Variants in GAP43 observed in about 807,000 individuals in gnomAD.
The protein encoded by GAP43 is neuromodulin.
A neutral mutation model predicts 18.6 loss-of-function variants in GAP43; 6 were observed. That is an observed-to-expected ratio of 0.32 (90% CI 0.18 to 0.64). The LOEUF is 0.64. Among genes scored for constraint, GAP43 ranks in the 30% least tolerant of loss-of-function variants. The pLI, the probability that GAP43 is intolerant of heterozygous loss-of-function variation, is 0.78. For missense variants in GAP43, 292 were observed against 295.5 expected (o/e 0.99, Z 0.09); for synonymous variants, 115 against 111.4 (o/e 1.03, Z -0.20).
At chr3:115,632,013 T>G (rs572173177) in intron 1 of GAP43, among the ~76,000 whole-genome samples, 1 of 152,206 alleles carries the variant, frequency 6.6e-6, no homozygotes, top group African/African-American at 2.4e-5. Flanking sequence ...TAAGCCAATA[T>G]TCAAAGTGTT....
chr3:115,676,557 C>T lies in GAP43; in HGVS notation c.575C>T (p.Thr192Ile). ...PAAEDAAAKA[T>I]AQPPTETGES... ...GCAGAGGATGCTGCTGCCAAGGCAACAGCCCAGCCTCCAACGGAGACTGGG... is the reference window on the plus strand; with the variant it reads ...GCAGAGGATGCTGCTGCCAAGGCAATAGCCCAGCCTCCAACGGAGACTGGG... The change falls in exon 2 of 3, where the codon ACA (threonine) becomes ATA (isoleucine). Residue 192 changes from threonine (T) to isoleucine (I), a missense_variant. Thr to Ile is a moderately conservative substitution (Grantham distance 89). Transcript: ENST00000305124. 1.9e-6 allele frequency: 3 copies of T among 1,612,640 alleles called. No homozygotes were observed. Among genetic ancestry groups the T allele is most frequent in the Non-Finnish European group, 2.5e-6 (3 of 1,179,878 alleles).
chr3:115,693,837 G>C (rs1173711085), intron 2 of GAP43, among the ~76,000 whole-genome samples: 1 of 152,138 alleles, frequency 6.6e-6, no homozygotes, highest in Non-Finnish European at 1.5e-5. Flanking sequence ...ATCCTTTCCT[G>C]CTCCCCACTT....
At chr3:115,687,488 A>G (rs1709049659) in intron 2 of GAP43, among the ~76,000 whole-genome samples, 2 of 152,228 alleles carry the variant, frequency 1.3e-5, no homozygotes, top group Non-Finnish European at 1.5e-5. Flanking sequence ...AAAACCATGC[A>G]GAATTTATTT....
intron 1 of GAP43, chr3:115,663,668 C>G (rs1708695131): frequency 7.0e-7 from 1 of 1,438,778 alleles, no homozygotes; most frequent in Non-Finnish European, 9.1e-7. Flanking sequence ...AATTTTATTT[C>G]TACTTTTCTA....
At chr3:115,672,081 A>G (rs1339851558) in intron 1 of GAP43, among the ~76,000 whole-genome samples, 1 of 152,210 alleles carries the variant, frequency 6.6e-6, no homozygotes, top group Non-Finnish European at 1.5e-5. Flanking sequence ...CTTATGGATT[A>G]TCTACTACAA....
intron 1 of GAP43, among the ~76,000 whole-genome samples, chr3:115,662,343 T>C (rs890805038): frequency 1.3e-5 from 2 of 152,330 alleles, no homozygotes; most frequent in African/African-American, 2.4e-5. Context: ...TTCCATATCA[T>C]GGCATAGTCA....
chr3:115,643,754 TG>T (rs1247666336), intron 1 of GAP43, among the ~76,000 whole-genome samples: 2 of 151,988 alleles, frequency 1.3e-5, no homozygotes, highest in African/African-American at 2.4e-5. Flanking sequence ...CTCCAGCCCT[TG>T]TATCTACTCA....
chr3:115,706,398 G>A (rs200988826), intron 2 of GAP43, among the ~76,000 whole-genome samples: 1 of 32,990 alleles, frequency 3.0e-5, no homozygotes, highest in African/African-American at 7.0e-5. Context: ...CTACCCAGCT[G>A]GGGGGTAGGC....
intron 1 of GAP43, among the ~76,000 whole-genome samples, chr3:115,671,362 A>G (rs1481304604): frequency 1.3e-5 from 2 of 152,208 alleles, no homozygotes; most frequent in African/African-American, 4.8e-5. Flanking sequence ...TCATTCATCT[A>G]ATGGATTTAG....
intron 2 of GAP43, among the ~76,000 whole-genome samples, chr3:115,703,037 G>A (rs191352264): frequency 6.6e-6 from 1 of 152,074 alleles, no homozygotes; most frequent in African/African-American, 2.4e-5. Context: ...AATTGTTGAT[G>A]TTTTCTGGAG....
rs1709515862 is a variant in GAP43, at chr3:115,716,862, T to C, written c.629-3932T>C. On this transcript the variant is annotated intron_variant, in intron 2 of 2. Coordinates refer to ENST00000305124, the MANE Select transcript of GAP43 (RefSeq NM_002045.4). The stretch of plus-strand genomic sequence containing the variant: ...TCTAATCGAGTTTCATCAATTTTAA[T>C]TTTACGGGTTTTATTTTATAATTTG... Among the ~76,000 whole-genome samples the C allele has an allele frequency of 2.7e-5, 4 of 150,230 alleles. No individual in the cohort carries two copies. The South Asian group carries it at 8.5e-4, about 32-fold the overall frequency.
intron 1 of GAP43, among the ~76,000 whole-genome samples, chr3:115,669,970 TATTTTTTTTTTTTAATTTTTTTTTTA>T: frequency 7.1e-6 from 1 of 141,528 alleles, no homozygotes; most frequent in South Asian, 2.2e-4. Context: ...TTTTTATTTT[TATTTTTTTTTTTTAATTTTTTTTTTA>T]ATTTTTTTTT....
chr3:115,658,263 A>C (rs1331141673), intron 1 of GAP43, among the ~76,000 whole-genome samples: 2 of 151,756 alleles, frequency 1.3e-5, no homozygotes, highest in African/African-American at 4.8e-5. Flanking sequence ...TTTTTTTCCT[A>C]AGTAGGGCTG....
At chr3:115,636,620 T>G (rs1177362477) in intron 1 of GAP43, among the ~76,000 whole-genome samples, 1 of 152,136 alleles carries the variant, frequency 6.6e-6, no homozygotes, top group Non-Finnish European at 1.5e-5. Context: ...TTACCAAAAT[T>G]CTCTACATAT....
At chr3:115,678,619 G>T (rs1485404716) in intron 2 of GAP43, among the ~76,000 whole-genome samples, 3 of 151,882 alleles carry the variant, frequency 2.0e-5, no homozygotes, top group African/African-American at 7.3e-5. Context: ...TTGCATATTT[G>T]CTTATTCTAT....
chr3:115,671,087 A>C (rs1708810455), intron 1 of GAP43, among the ~76,000 whole-genome samples: 1 of 152,216 alleles, frequency 6.6e-6, no homozygotes, highest in Admixed American at 6.5e-5. Context: ...AACTGGGAAA[A>C]GTGAAATGCA....
chr3:115,634,167 GA>G (rs1242917233), intron 1 of GAP43, among the ~76,000 whole-genome samples: 2 of 151,776 alleles, frequency 1.3e-5, no homozygotes, highest in Non-Finnish European at 1.5e-5. Context: ...ATGAGGCAAA[GA>G]AAAAAAATAA....
intron 2 of GAP43, among the ~76,000 whole-genome samples, chr3:115,711,509 A>C (rs923860719): frequency 6.0e-5 from 9 of 150,454 alleles, no homozygotes; most frequent in African/African-American, 1.2e-4. Flanking sequence ...ACACACACAC[A>C]CACCCCCCTA....
At chr3:115,683,124 T>TAC (rs1708977213) in intron 2 of GAP43, among the ~76,000 whole-genome samples, 1 of 113,796 alleles carries the variant, frequency 8.8e-6, no homozygotes, top group Non-Finnish European at 2.0e-5. Flanking sequence ...TACATACATG[T>TAC]GCGCGCGCGT....
Sources: allele counts gnomAD v4.1 joint callset (sites outside exome capture counted in the v4.1 genomes callset), GRCh38; gene constraint gnomAD v4.1.1; transcripts MANE v1.5; gene names NCBI Gene and HGNC (gene_info 2026-07-23, HGNC 2026-07-21).